The following TM7SF3 variants were observed in gnomAD, a reference collection of about 807,000 sequenced individuals.
TM7SF3 encodes transmembrane 7 superfamily member 3.
Under a neutral mutation model 65.5 loss-of-function variants are expected in TM7SF3, and 60 were observed. The ratio of observed to expected loss-of-function variants is 0.92; its 90% CI spans 0.74 to 1.14. The LOEUF is 1.14. Among genes scored for constraint, TM7SF3 ranks in the 50% most tolerant of loss-of-function variants. TM7SF3 has a pLI of 0.00. For synonymous variants in TM7SF3, 264 were observed against 259.6 expected, an observed-to-expected ratio of 1.02 and a Z score of -0.16; for missense variants, 623 against 684.8, an observed-to-expected ratio of 0.91 and a Z score of 1.01.
chr12:26,973,754 C>T lies in TM7SF3; in HGVS notation c.*211G>A, dbSNP rs1045933306. 1 of 519,236 alleles carries T rather than the reference C, an allele frequency of 1.9e-6. No individual in the cohort carries two copies. The allele number at this position is 519,236 out of a possible 1,614,324, so 32.2% of individuals were successfully genotyped here. ...TATTTGGAAATAAGAAAAAGCCTCC[C>T]TACCACCAACCTTTTGGTCATCTTT... On this transcript the variant is annotated 3_prime_UTR_variant, in exon 12 of 12. Coordinates refer to ENST00000343028, the MANE Select transcript of TM7SF3 (RefSeq NM_016551.3).
chr12:26,984,192 G>T (rs1165542067), intron 6 of TM7SF3, among the ~76,000 whole-genome samples: 1 of 152,180 alleles, frequency 6.6e-6, no homozygotes. Context: ...CACTTTGGGA[G>T]GCCGAGGTGG....
chr12:27,003,594 A>G (rs1455832357), intron 1 of TM7SF3, among the ~76,000 whole-genome samples: 3 of 152,230 alleles, frequency 2.0e-5, no homozygotes, highest in Non-Finnish European at 2.9e-5. Context: ...TGAATGGTAG[A>G]GCTCAGAACT....
chr12:27,004,193 C>A, intron 1 of TM7SF3, among the ~76,000 whole-genome samples: 1 of 152,198 alleles, frequency 6.6e-6, no homozygotes, highest in East Asian at 1.9e-4. Flanking sequence ...GCCAGCTGCA[C>A]ACCAGCTCAT....
At chr12:26,982,720 G>C in intron 7 of TM7SF3, 53 bp downstream of exon 7, 1 of 1,296,474 alleles carries the variant, frequency 7.7e-7, no homozygotes, top group East Asian at 2.4e-5. Context: ...TCATTCCCCA[G>C]CAACACTGAA....
chr12:27,003,133 T>C, intron 2 of TM7SF3, 103 bp downstream of exon 2: 1 of 821,824 alleles, frequency 1.2e-6, no homozygotes, highest in Non-Finnish European at 1.8e-6. Flanking sequence ...CATAAGATCA[T>C]AAACATAAAA....
intron 3 of TM7SF3, among the ~76,000 whole-genome samples, chr12:26,997,918 C>T (rs182006134): frequency 1.3e-5 from 2 of 151,558 alleles, no homozygotes; most frequent in East Asian, 1.9e-4. Flanking sequence ...CTCTGCCCAC[C>T]GGGTTCAAGC....
At chr12:26,979,971 C>T (rs376132337) in intron 8 of TM7SF3, 35 bp from the exon 9 acceptor site, 18 of 1,613,184 alleles carry the variant, frequency 1.1e-5, no homozygotes, top group Middle Eastern at 1.7e-4. Context: ...GCTGGATAAC[C>T]GGCAGTACTT....
rs1565474995 is a variant in TM7SF3 at position 27,014,346 on chromosome 12, A to G, written c.-178T>C. The G allele has an allele frequency of 1.3e-5, 5 of 382,800 alleles. No homozygotes were observed. Among genetic ancestry groups the G allele is most frequent in the Non-Finnish European group, 4.5e-6 (1 of 221,086 alleles). 23.7% of individuals were successfully genotyped at this position (382,800 alleles called of 1,614,324 possible). A position where few individuals can be genotyped will look rare whatever the true frequency, so the allele number is the denominator to read the frequency against. ...CAGCCGCCGGCGCGCGCCCCGCCGA[A>G]CTCCTAGCCCCAGCGAGAGGTTTCC... On this transcript the variant is annotated 5_prime_UTR_variant, in exon 1 of 12. Coordinates refer to ENST00000343028, the MANE Select transcript of TM7SF3 (RefSeq NM_016551.3).
Position 26,979,923 on chromosome 12 carries a change from C to T in TM7SF3, c.1050G>A (p.Leu350=), listed in dbSNP as rs767187870. 57 of 1,614,004 alleles carry T rather than the reference C, an allele frequency of 3.5e-5. No individual in the cohort carries two copies. In the Admixed American group the frequency reaches 9.5e-4, roughly 27 times the overall value. Reference sequence around the variant, plus strand: ...CACCGACGCTTCCAGTGACAGCTGTCAGAATCAGATTCACTGTACAAAGAG... The same window carrying T: ...CACCGACGCTTCCAGTGACAGCTGTTAGAATCAGATTCACTGTACAAAGAG... ...TPIKYDVNLI[L]TAVTGSVGGM... The change falls in exon 9 of 12, where the codon CTG becomes CTA. Residue 350 remains leucine, a synonymous_variant. Coordinates refer to ENST00000343028, the MANE Select transcript of TM7SF3 (RefSeq NM_016551.3).
At chr12:26,997,346 G>A (rs927515071) in intron 3 of TM7SF3, among the ~76,000 whole-genome samples, 2 of 152,164 alleles carry the variant, frequency 1.3e-5, no homozygotes, top group Admixed American at 6.5e-5. Context: ...CAGATACACA[G>A]TGTGTATATA....
intron 1 of TM7SF3, among the ~76,000 whole-genome samples, chr12:27,011,133 A>G (rs1355494797): frequency 3.3e-5 from 5 of 152,176 alleles, no homozygotes; most frequent in African/African-American, 1.2e-4. Flanking sequence ...CAAATGTTCA[A>G]TAGCCCTAAA....
chr12:26,989,948 C>T (rs953288634), intron 6 of TM7SF3, among the ~76,000 whole-genome samples: 1 of 152,166 alleles, frequency 6.6e-6, no homozygotes, highest in South Asian at 2.1e-4. Flanking sequence ...CCTGCCCCTG[C>T]ACCTCTCACC....
intron 8 of TM7SF3, chr12:26,980,158 G>C: frequency 1.7e-6 from 1 of 593,418 alleles, no homozygotes; most frequent in South Asian, 2.1e-5. Flanking sequence ...CACAGGGCCA[G>C]TGACAGGCTT....
At chr12:26,989,040 A>C (rs1441041214) in intron 6 of TM7SF3, among the ~76,000 whole-genome samples, 1 of 152,220 alleles carries the variant, frequency 6.6e-6, no homozygotes, top group East Asian at 1.9e-4. Flanking sequence ...ATAGTCTATG[A>C]TAAATATAAC....
Position 27,003,383 on chromosome 12 carries a change from A to C in TM7SF3, c.99T>G (p.Ile33Met), listed in dbSNP as rs1940911454. The C allele has an allele frequency of 6.2e-7, 1 of 1,610,848 alleles. No homozygotes were observed. Among genetic ancestry groups the C allele is most frequent in the African/African-American group, 1.3e-5 (1 of 74,798 alleles). ...ATCTAAATTTCCCCACAGAAAATTCAATAAGACCTACAACGAGATAAACTT... is the reference window on the plus strand; with the variant it reads ...ATCTAAATTTCCCCACAGAAAATTCCATAAGACCTACAACGAGATAAACTT... Reference protein sequence around the residue: ...EVFGNSSEGLIEFSVGKFRYF... With the variant: ...EVFGNSSEGLMEFSVGKFRYF... Residue 33 changes from isoleucine to methionine, a missense_variant, in exon 2 of 12, where the codon ATT (isoleucine) becomes ATG (methionine). Physicochemically the swap from Ile to Met is conservative, Grantham distance 10. Coordinates refer to ENST00000343028, the MANE Select transcript of TM7SF3 (RefSeq NM_016551.3).
Position 26,980,072 on chromosome 12 carries a change from T to C in TM7SF3, c.1037-136A>G, listed in dbSNP as rs1244545365. ...CACTGAGGGCTCTTCAGTGGTGCCA[T>C]GAAGCCAGCATAGAGCAACCCTCTC... is the stretch of plus-strand genomic sequence containing the variant. On this transcript the variant is annotated intron_variant, in intron 8 of 11. Transcript: ENST00000343028. 6.7e-6 allele frequency: 7 copies of C among 1,038,262 alleles called. No homozygotes were observed. In the South Asian group the frequency reaches 7.7e-5, roughly 11 times the overall value. The allele number at this position is 1,038,262 out of a possible 1,614,324, so 64.3% of individuals were successfully genotyped here.
intron 6 of TM7SF3, among the ~76,000 whole-genome samples, chr12:26,985,014 G>C (rs1187601792): frequency 6.6e-6 from 1 of 152,176 alleles, no homozygotes; most frequent in Admixed American, 6.5e-5. Context: ...GAAAATGAGA[G>C]TAACAATAGA....
chr12:27,000,536 T>C (rs1038366572), intron 2 of TM7SF3, among the ~76,000 whole-genome samples: 1 of 152,132 alleles, frequency 6.6e-6, no homozygotes, highest in Non-Finnish European at 1.5e-5. Flanking sequence ...CTCAGCTTAC[T>C]ACAAGCTCCG....
intron 8 of TM7SF3, chr12:26,980,329 A>G (rs937721642): frequency 1.1e-5 from 6 of 547,334 alleles, no homozygotes; most frequent in Non-Finnish European, 1.6e-5. Flanking sequence ...ACACAGGTCT[A>G]TAATCAATAT....
Sources: gnomAD v4.1 joint callset for allele counts (sites outside exome capture counted in the v4.1 genomes callset) on GRCh38, gnomAD v4.1.1 for gene constraint, MANE v1.5 for transcripts, NCBI Gene and HGNC (gene_info 2026-07-23, HGNC 2026-07-21) for gene names.